The following INPP4B variants were observed in gnomAD, a reference collection of about 807,000 sequenced individuals.
The protein encoded by INPP4B is inositol polyphosphate-4-phosphatase type II B, also known as inositol polyphosphate 4-phosphatase type II.
In INPP4B, 55 loss-of-function variants were observed where a neutral mutation model predicts 122.5. The observed-to-expected ratio is 0.45, with a 90% CI of 0.36 to 0.56. INPP4B has a LOEUF of 0.56. Ranked by LOEUF, INPP4B falls within the 20% of genes least tolerant of loss-of-function variation. The probability of loss-of-function intolerance (pLI) is 0.00; values close to 1 mark genes in which losing one functional copy is unlikely to be tolerated. For synonymous variants in INPP4B, 403 were observed against 388.7 expected (o/e 1.04, Z -0.43); for missense variants, 1,000 against 1,097.7 (o/e 0.91, Z 1.26).
At chr4:142,308,724 T>C in intron 8 of INPP4B, among the ~76,000 whole-genome samples, 1 of 151,688 alleles carries the variant, frequency 6.6e-6, no homozygotes, top group Non-Finnish European at 1.5e-5. Context: ...TAAGATAATT[T>C]ATTTAATTTT....
At chr4:142,214,859 A>G (rs1036173182) in intron 12 of INPP4B, among the ~76,000 whole-genome samples, 1 of 151,742 alleles carries the variant, frequency 6.6e-6, no homozygotes, top group African/African-American at 2.4e-5. Flanking sequence ...GACCCAGCAC[A>G]TTAATTGTTT....
intron 25 of INPP4B, among the ~76,000 whole-genome samples, chr4:142,033,882 T>TCA (rs1742077048): frequency 6.6e-6 from 1 of 151,938 alleles, no homozygotes; most frequent in Non-Finnish European, 1.5e-5. Context: ...GCCCAGGCTT[T>TCA]TCTCGAACTC....
At chr4:142,081,185 G>A (rs139779889) in intron 25 of INPP4B, among the ~76,000 whole-genome samples, 2 of 152,246 alleles carry the variant, frequency 1.3e-5, no homozygotes, top group African/African-American at 4.8e-5. Flanking sequence ...CTAATGGCAG[G>A]CTAGATAAGA....
chr4:142,258,317 C>A (rs2150346459), intron 11 of INPP4B, among the ~76,000 whole-genome samples: 1 of 151,862 alleles, frequency 6.6e-6, no homozygotes, highest in South Asian at 2.1e-4. Context: ...TCTAAAACAC[C>A]AAAAGCAATG....
chr4:142,407,482 T>G (rs1803681285), intron 5 of INPP4B, among the ~76,000 whole-genome samples: 3 of 152,136 alleles, frequency 2.0e-5, no homozygotes, highest in African/African-American at 7.2e-5. Context: ...TCGTTCCCCA[T>G]AAAAACAGAG....
At chr4:142,458,848 C>A (rs954339200) in intron 3 of INPP4B, among the ~76,000 whole-genome samples, 1 of 152,118 alleles carries the variant, frequency 6.6e-6, no homozygotes, top group Non-Finnish European at 1.5e-5. Context: ...TGTGTATATC[C>A]AAGTCATAAA....
intron 12 of INPP4B, among the ~76,000 whole-genome samples, chr4:142,234,469 C>A (rs1319517388): frequency 1.3e-5 from 2 of 152,122 alleles, no homozygotes; most frequent in African/African-American, 2.4e-5. Context: ...ACTGTATCTT[C>A]TTACACTCTA....
rs1219540306 is a variant in INPP4B at position 142,237,867 on chromosome 4, C to G, written c.833G>C (p.Cys278Ser). The G allele has an allele frequency of 6.5e-7, 1 of 1,548,726 alleles. No homozygotes were observed. ...LISLHIKEDL[C>S]RNQEIKELGE... ...GAAAATAGTTATTTTCTCTTACCTG[C>G]ACAAATCTTCTTTAATGTGAAGGGA... Residue 278 changes from cysteine (C) to serine (S), a missense_variant, in exon 12 of 26, where the codon TGC becomes TCC. Transcript: ENST00000262992.
chr4:142,174,018 A>G (rs1826821090), intron 15 of INPP4B, among the ~76,000 whole-genome samples: 1 of 152,086 alleles, frequency 6.6e-6, no homozygotes, highest in African/African-American at 2.4e-5. Context: ...GTTTTGCTAA[A>G]ACACTGGGAA....
chr4:142,666,983 A>G (rs1285629204), intron 2 of INPP4B, among the ~76,000 whole-genome samples: 1 of 152,222 alleles, frequency 6.6e-6, no homozygotes, highest in Non-Finnish European at 1.5e-5. Context: ...TATAAATAAA[A>G]GAAATCACTT....
chr4:142,709,099 C>A (rs1408665683), intron 2 of INPP4B, among the ~76,000 whole-genome samples: 1 of 152,146 alleles, frequency 6.6e-6, no homozygotes, highest in African/African-American at 2.4e-5. Flanking sequence ...AACTGCCTTG[C>A]TGGGTCTTGG....
intron 2 of INPP4B, among the ~76,000 whole-genome samples, chr4:142,516,720 A>G (rs547507739): frequency 1.0e-3 from 153 of 151,654 alleles, no homozygotes; most frequent in Non-Finnish European, 1.9e-3. Context: ...AGAATCAGTT[A>G]GAGGTGAAAG....
chr4:142,050,463 C>G (rs940804165), intron 25 of INPP4B, among the ~76,000 whole-genome samples: 5 of 151,878 alleles, frequency 3.3e-5, no homozygotes, highest in African/African-American at 1.2e-4. Flanking sequence ...TCTTATAATT[C>G]TATAAATATC....
intron 2 of INPP4B, among the ~76,000 whole-genome samples, chr4:142,498,304 A>T (rs1378154457): frequency 2.6e-5 from 4 of 151,792 alleles, no homozygotes; most frequent in Non-Finnish European, 4.4e-5. Flanking sequence ...GCAACACATG[A>T]TCACAACTCA....
intron 2 of INPP4B, among the ~76,000 whole-genome samples, chr4:142,475,307 C>A (rs1253541801): frequency 6.6e-6 from 1 of 150,966 alleles, no homozygotes; most frequent in African/African-American, 2.4e-5. Flanking sequence ...AAAAACAAAA[C>A]AAAAACAAAA....
At chr4:142,314,573 C>G (rs1766771396) in intron 8 of INPP4B, 139 bp downstream of exon 8, 5 of 749,876 alleles carry the variant, frequency 6.7e-6, no homozygotes. Context: ...AAATATGTGA[C>G]AGTGCCTCCT....
At chr4:142,752,656 G>A (rs1384323258) in intron 1 of INPP4B, among the ~76,000 whole-genome samples, 1 of 152,062 alleles carries the variant, frequency 6.6e-6, no homozygotes, top group Non-Finnish European at 1.5e-5. Context: ...GGCAGCAAGA[G>A]TCGTACAGGA....
intron 2 of INPP4B, among the ~76,000 whole-genome samples, chr4:142,672,375 G>T (rs1251555920): frequency 2.6e-5 from 4 of 152,092 alleles, no homozygotes; most frequent in African/African-American, 9.7e-5. Flanking sequence ...GAGACTTCCA[G>T]CTATTCTAAA....
intron 12 of INPP4B, among the ~76,000 whole-genome samples, chr4:142,224,423 C>T (rs1437166488): frequency 6.6e-6 from 1 of 151,528 alleles, no homozygotes; most frequent in Non-Finnish European, 1.5e-5. Context: ...TAAAATGAAC[C>T]ATCATTTAAA....
Sources: allele counts gnomAD v4.1 joint callset (sites outside exome capture counted in the v4.1 genomes callset), GRCh38; gene constraint gnomAD v4.1.1; transcripts MANE v1.5; gene names NCBI Gene and HGNC (gene_info 2026-07-23, HGNC 2026-07-21).